VEPH1: variants seen among roughly 807,000 people sequenced by gnomAD.
VEPH1 encodes the protein ventricular zone-expressed PH domain-containing protein homolog 1.
Under a neutral mutation model 85.2 loss-of-function variants are expected in VEPH1, and 80 were observed. The observed-to-expected ratio is 0.94, with a 90% CI of 0.78 to 1.13. The LOEUF is 1.13. Among genes scored for constraint, VEPH1 ranks in the 50% most tolerant of loss-of-function variants. The probability of loss-of-function intolerance (pLI) is 0.00; values close to 1 mark genes in which losing one functional copy is unlikely to be tolerated. For missense variants in VEPH1, 955 were observed against 980.5 expected (o/e 0.97, Z 0.35); for synonymous variants, 297 against 348.0 (o/e 0.85, Z 1.63).
At chr3:157,415,605 C>T (rs1283530311) in intron 5 of VEPH1, among the ~76,000 whole-genome samples, 1 of 151,886 alleles carries the variant, frequency 6.6e-6, no homozygotes, top group Admixed American at 6.6e-5. Context: ...TTTTTTCCTG[C>T]CTTAAAACCC....
chr3:157,265,557 C>T lies in VEPH1; in HGVS notation c.2234G>A (p.Gly745Glu). The change falls in exon 13 of 14, where the codon GGA becomes GAA. Residue 745 changes from glycine to glutamate, a missense_variant. Coordinates refer to ENST00000362010, the MANE Select transcript of VEPH1 (RefSeq NM_001167912.2). ...RWKTRYFTLA[G>E]NQLLFQKGKS... is the part of the protein sequence containing the mutation. ...TCCTTTTTGAAACAGAAGTTGATTT[C>T]CAGCCAGTGTAAAATAGCGTGTTTT... 1 of 1,612,704 alleles carries T rather than the reference C, an allele frequency of 6.2e-7. No homozygotes were observed. Among genetic ancestry groups the T allele is most frequent in the Non-Finnish European group, 8.5e-7 (1 of 1,179,110 alleles).
chr3:157,360,777 T>A (rs1190636609), intron 9 of VEPH1, among the ~76,000 whole-genome samples: 1 of 152,186 alleles, frequency 6.6e-6, no homozygotes, highest in Non-Finnish European at 1.5e-5. Flanking sequence ...ACTGAATGTA[T>A]ATGGCTTTTG....
chr3:157,397,587 T>C (rs2108957265), intron 6 of VEPH1, among the ~76,000 whole-genome samples: 2 of 152,348 alleles, frequency 1.3e-5, no homozygotes, highest in African/African-American at 4.8e-5. Context: ...GTGTCCTCTC[T>C]GATTTCCTTG....
In VEPH1 at chr3:157,320,821, GTCT is replaced by G. The variant is rs1721269007; in HGVS notation, c.1736-3623_1736-3621del. Among the ~76,000 whole-genome samples the G allele has an allele frequency of 5.3e-5, 8 of 152,132 alleles. No homozygotes were observed. In the South Asian group the frequency reaches 1.7e-3, roughly 32 times the overall value. ...TGATACAAAAATACAAGAATATTTG[GTCT>G]TCTTTGAGTCAAAATCTTTAAGAAT... On this transcript the variant is annotated intron_variant, in intron 9 of 13. Transcript: ENST00000362010.
chr3:157,415,362 A>G (rs1337483840), intron 5 of VEPH1: 1 of 152,170 alleles, frequency 6.6e-6, no homozygotes, highest in African/African-American at 2.4e-5. Flanking sequence ...TCAGAAATGA[A>G]CAATTATAAA....
At chr3:157,323,094 G>A (rs2108560448) in intron 9 of VEPH1, among the ~76,000 whole-genome samples, 1 of 152,276 alleles carries the variant, frequency 6.6e-6, no homozygotes, top group Non-Finnish European at 1.5e-5. Flanking sequence ...TTGATTCCAT[G>A]TGATTTGTAA....
At chr3:157,339,769 G>A (rs1723328699) in intron 9 of VEPH1, among the ~76,000 whole-genome samples, 1 of 152,054 alleles carries the variant, frequency 6.6e-6, no homozygotes, top group South Asian at 2.1e-4. Flanking sequence ...AAAGAGAAGG[G>A]GAATTCTTCT....
chr3:157,401,856 T>C (rs563227000), intron 6 of VEPH1, among the ~76,000 whole-genome samples: 1 of 152,132 alleles, frequency 6.6e-6, no homozygotes, highest in Non-Finnish European at 1.5e-5. Context: ...GTTAATAGAA[T>C]GGGGTTGTGA....
intron 2 of VEPH1, among the ~76,000 whole-genome samples, chr3:157,476,208 A>G (rs1737460702): frequency 6.6e-6 from 1 of 152,236 alleles, no homozygotes; most frequent in Non-Finnish European, 1.5e-5. Context: ...CTAAGTCCTC[A>G]GAATGGCACC....
At chr3:157,310,503 T>G (rs1447425611) in intron 11 of VEPH1, among the ~76,000 whole-genome samples, 1 of 152,180 alleles carries the variant, frequency 6.6e-6, no homozygotes. Context: ...GCCAGGTGAT[T>G]CAGAGCCAAC....
chr3:157,470,816 C>T (rs565308420), intron 2 of VEPH1, among the ~76,000 whole-genome samples: 48 of 152,290 alleles, frequency 3.2e-4, no homozygotes, highest in Admixed American at 9.8e-4. Flanking sequence ...TGGGTTTAAT[C>T]TTTAGACTAT....
At chr3:157,486,288 G>T (rs933700088) in intron 2 of VEPH1, among the ~76,000 whole-genome samples, 2 of 151,884 alleles carry the variant, frequency 1.3e-5, no homozygotes, top group Non-Finnish European at 2.9e-5. Context: ...ACGAGGTCAG[G>T]AGTTCAAGAC....
At chr3:157,435,963 G>T (rs1156676018) in intron 4 of VEPH1, among the ~76,000 whole-genome samples, 1 of 151,846 alleles carries the variant, frequency 6.6e-6, no homozygotes, top group Non-Finnish European at 1.5e-5. Context: ...CCCATTCTAG[G>T]TTTACCCAGT....
At chr3:157,432,721 ACTT>A (rs1733265995) in intron 4 of VEPH1, among the ~76,000 whole-genome samples, 2 of 152,238 alleles carry the variant, frequency 1.3e-5, no homozygotes, top group South Asian at 4.1e-4. Context: ...CTGACCTCCT[ACTT>A]CTTCAAGCTC....
chr3:157,437,669 C>A lies in VEPH1; in HGVS notation c.530-9181G>T, dbSNP rs1020705566. On this transcript the variant is annotated intron_variant, in intron 4 of 13. Coordinates refer to ENST00000362010, the MANE Select transcript of VEPH1 (RefSeq NM_001167912.2). Reference sequence around the variant, plus strand: ...CTGCGGGAGGAGCTGGGCCGGCTCGCGGAAAGCCTGGCGAGGCCGTGCGCG... The same window carrying A: ...CTGCGGGAGGAGCTGGGCCGGCTCGAGGAAAGCCTGGCGAGGCCGTGCGCG... The A allele has an allele frequency of 7.1e-6, 11 of 1,539,266 alleles. No homozygotes were observed. The African/African-American group carries it at 1.5e-4, about 21-fold the overall frequency.
intron 4 of VEPH1, chr3:157,437,745 G>A: frequency 2.7e-6 from 4 of 1,495,372 alleles, no homozygotes; most frequent in South Asian, 1.3e-5. Context: ...ACGAGCTGCT[G>A]CAGGCGACCC....
chr3:157,286,347 G>T (rs776357511), intron 12 of VEPH1: 12 of 592,218 alleles, frequency 2.0e-5, no homozygotes, highest in Non-Finnish European at 3.1e-5. Flanking sequence ...TATAGGTAAG[G>T]GATTGTTTCT....
At chr3:157,479,163 T>C (rs1737773529) in intron 2 of VEPH1, among the ~76,000 whole-genome samples, 1 of 152,174 alleles carries the variant, frequency 6.6e-6, no homozygotes, top group African/African-American at 2.4e-5. Context: ...AATACATATG[T>C]GTATGTGTTT....
chr3:157,496,282 G>T (rs1043993964), intron 1 of VEPH1, among the ~76,000 whole-genome samples: 1 of 152,200 alleles, frequency 6.6e-6, no homozygotes, highest in African/African-American at 2.4e-5. Flanking sequence ...CTACAGAGAG[G>T]AGGGCAATGG....
Sources: allele counts gnomAD v4.1 joint callset (sites outside exome capture counted in the v4.1 genomes callset), GRCh38; gene constraint gnomAD v4.1.1; transcripts MANE v1.5; gene names NCBI Gene and HGNC (gene_info 2026-07-23, HGNC 2026-07-21).